BANP: variants seen among roughly 807,000 people sequenced by gnomAD.
The protein encoded by BANP is BTG3 associated nuclear protein.
A neutral mutation model predicts 68.1 loss-of-function variants in BANP; 11 were observed. The ratio of observed to expected loss-of-function variants is 0.16; its 90% confidence interval spans 0.10 to 0.27. BANP has a LOEUF of 0.27. BANP is among the 10% of genes least tolerant of loss of function. BANP has a pLI of 1.00. For synonymous variants in BANP, 329 were observed against 303.2 expected (o/e 1.09, Z -0.88); for missense variants, 504 against 722.7 (o/e 0.70, Z 3.47).
chr16:87,977,517 G>A (rs1413682698), intron 2 of BANP, among the ~76,000 whole-genome samples: 1 of 152,182 alleles, frequency 6.6e-6, no homozygotes, highest in Non-Finnish European at 1.5e-5. Flanking sequence ...GCAGCTGCAG[G>A]TACCTTGATG....
chr16:88,072,321 G>A (rs1036314956), intron 13 of BANP, 109 bp downstream of exon 13: 2 of 1,315,860 alleles, frequency 1.5e-6, no homozygotes, highest in South Asian at 2.9e-5. Context: ...CCTGTGCAGA[G>A]GGCACGTGAT....
rs1484087827 is a variant in BANP, at chr16:88,004,353, A to G, written c.421A>G (p.Lys141Glu). Reference protein sequence around the residue: ...NNDRQNAIVAKMEDPLSNRAP... With the variant: ...NNDRQNAIVAEMEDPLSNRAP... ...TGATCGGCAGAACGCCATTGTAGCCAAGATGGAAGACCCCTTGAGCAACAG... is the reference window on the plus strand; with the variant it reads ...TGATCGGCAGAACGCCATTGTAGCCGAGATGGAAGACCCCTTGAGCAACAG... The change falls in exon 5 of 14, where the codon AAG becomes GAG. Residue 141 changes from lysine to glutamate, a missense_variant. Coordinates refer to ENST00000682872, the MANE Select transcript of BANP (RefSeq NM_001386991.1). This position sits in a 1 kb window ranked among gnomAD's most constrained non-coding sequence, Gnocchi z 7.0. 1.3e-6 allele frequency: 2 copies of G among 1,550,472 alleles called. No individual in the cohort carries two copies. Among genetic ancestry groups the G allele is most frequent in the Non-Finnish European group, 1.7e-6 (2 of 1,146,708 alleles).
At chr16:87,966,247 C>G (rs1016914097) in intron 1 of BANP, among the ~76,000 whole-genome samples, 5 of 152,156 alleles carry the variant, frequency 3.3e-5, no homozygotes, top group Admixed American at 6.5e-5. Context: ...GGGTGTTACT[C>G]TGGGCTGTAG....
chr16:88,017,905 A>G (rs1354775050), intron 6 of BANP, among the ~76,000 whole-genome samples: 2 of 152,002 alleles, frequency 1.3e-5, no homozygotes, highest in Non-Finnish European at 2.9e-5. Context: ...TGTGACTTAC[A>G]CTGTGCAGAG....
intron 11 of BANP, among the ~76,000 whole-genome samples, chr16:88,044,971 G>A (rs1478999455): frequency 3.3e-5 from 5 of 151,344 alleles, no homozygotes; most frequent in African/African-American, 7.3e-5. Flanking sequence ...AACAGAGCGC[G>A]ACTCCGTCTC....
chr16:88,014,420 TA>T (rs2074002218), intron 6 of BANP, among the ~76,000 whole-genome samples: 2 of 151,714 alleles, frequency 1.3e-5, no homozygotes, highest in African/African-American at 4.9e-5. Context: ...GCTGTCATCC[TA>T]AGTCAGGGAG....
At chr16:88,029,425 C>T (rs1243695682) in intron 8 of BANP, among the ~76,000 whole-genome samples, 35 of 149,634 alleles carry the variant, frequency 2.3e-4, no homozygotes, top group Non-Finnish European at 3.6e-4. Context: ...CTGGCTAACA[C>T]GGTGAAACCC....
At chr16:87,994,006 G>C (rs998444030) in intron 4 of BANP, among the ~76,000 whole-genome samples, 1 of 152,146 alleles carries the variant, frequency 6.6e-6, no homozygotes, top group African/African-American at 2.4e-5. Flanking sequence ...GAAAGATGAC[G>C]TTAGAGACCA....
chr16:87,967,135 C>G (rs1488979579), intron 1 of BANP, among the ~76,000 whole-genome samples: 1 of 152,142 alleles, frequency 6.6e-6, no homozygotes, highest in Admixed American at 6.5e-5. Flanking sequence ...GTCGTGGGCT[C>G]TTCCGTGAGC....
At chr16:87,953,653 C>T (rs922108906) in intron 1 of BANP, among the ~76,000 whole-genome samples, 1 of 152,164 alleles carries the variant, frequency 6.6e-6, no homozygotes, top group African/African-American at 2.4e-5. Context: ...TGAGTGTTTC[C>T]CTTCCTGTAC....
intron 1 of BANP, among the ~76,000 whole-genome samples, chr16:87,960,931 G>A (rs1010734743): frequency 5.9e-5 from 9 of 152,228 alleles, no homozygotes; most frequent in African/African-American, 2.2e-4. Flanking sequence ...TGGAAAGTTT[G>A]TCTTTGCCAC....
intron 9 of BANP, among the ~76,000 whole-genome samples, chr16:88,034,080 T>TG (rs1456973622): frequency 6.6e-6 from 1 of 152,102 alleles, no homozygotes; most frequent in African/African-American, 2.4e-5. Flanking sequence ...CTATTGAGAG[T>TG]GGGGCGTGGC....
chr16:87,990,785 T>C (rs1218048973), intron 4 of BANP, among the ~76,000 whole-genome samples: 1 of 152,130 alleles, frequency 6.6e-6, no homozygotes, highest in Admixed American at 6.6e-5. Context: ...TTTTTTGAGA[T>C]GGAGTCTCCC....
At chr16:88,027,778 G>C in intron 8 of BANP, 128 bp downstream of exon 8, 1 of 1,145,550 alleles carries the variant, frequency 8.7e-7, no homozygotes, top group Non-Finnish European at 1.2e-6. Context: ...CCAGAGGCTT[G>C]CGCGGTGCGC....
intron 6 of BANP, among the ~76,000 whole-genome samples, chr16:88,014,845 C>A (rs1369315937): frequency 2.0e-5 from 3 of 151,984 alleles, no homozygotes; most frequent in Non-Finnish European, 4.4e-5. Flanking sequence ...CGCTGGAGAC[C>A]ACCCTCATGT....
intron 11 of BANP, among the ~76,000 whole-genome samples, chr16:88,050,065 G>C (rs73250816): frequency 0.02 from 2,984 of 152,304 alleles, 98 homozygotes; most frequent in African/African-American, 0.068. Context: ...CACAGGGATG[G>C]GAATCCTTGT....
intron 1 of BANP, among the ~76,000 whole-genome samples, chr16:87,961,362 C>T (rs1043674311): frequency 6.7e-6 from 1 of 149,446 alleles, no homozygotes; most frequent in African/African-American, 2.5e-5. Flanking sequence ...CAGGGTTTTG[C>T]TGTGTTGCCC....
intron 8 of BANP, among the ~76,000 whole-genome samples, chr16:88,031,622 C>T (rs1485604152): frequency 6.7e-6 from 1 of 148,968 alleles, no homozygotes; most frequent in African/African-American, 2.5e-5. Context: ...ACACTCCAGC[C>T]TGGGTGACAG....
At chr16:88,010,815 T>A (rs765105990) in intron 6 of BANP, among the ~76,000 whole-genome samples, 1 of 147,348 alleles carries the variant, frequency 6.8e-6, no homozygotes, top group Non-Finnish European at 1.5e-5. Flanking sequence ...TGGAATGCCA[T>A]TCGTGCACGT....
Sources: gnomAD v4.1 joint callset for allele counts (sites outside exome capture counted in the v4.1 genomes callset) on GRCh38, gnomAD v4.1.1 for gene constraint, Gnocchi (gnomAD v3.1) non-coding constraint, MANE v1.5 for transcripts, NCBI Gene and HGNC (gene_info 2026-07-23, HGNC 2026-07-21) for gene names.